FBXO3: variants seen among roughly 807,000 people sequenced by gnomAD.
The protein encoded by FBXO3 is F-box only protein 3.
Under a neutral mutation model 64.8 loss-of-function variants are expected in FBXO3, and 17 were observed. That is an observed-to-expected ratio of 0.26 (90% CI 0.18 to 0.39). The LOEUF is 0.39. FBXO3 is among the 10% of genes least tolerant of loss of function. The pLI is 1.00. For missense variants in FBXO3, 420 were observed against 589.9 expected (o/e 0.71, Z 2.98); for synonymous variants, 182 against 201.6 (o/e 0.90, Z 0.82).
rs779512920 is a variant in FBXO3, at chr11:33,741,868, G to A, written c.*40C>T. On this transcript the variant is annotated 3_prime_UTR_variant, in exon 11 of 11. Coordinates refer to ENST00000265651, the MANE Select transcript of FBXO3 (RefSeq NM_012175.4). ...ACATTATTGAGAAATCTATTTAACA[G>A]CCTAGAATCATCCTAGTGCTTCCAT... 48 of 1,582,344 alleles carry A rather than the reference G, an allele frequency of 3.0e-5. No homozygotes were observed. Among genetic ancestry groups the A allele is most frequent in the Non-Finnish European group, 3.7e-5 (43 of 1,165,534 alleles).
chr11:33,744,936 G>C (rs1854777547), intron 10 of FBXO3: 1 of 152,092 alleles, frequency 6.6e-6, no homozygotes, highest in Non-Finnish European at 1.5e-5. Flanking sequence ...GAGACTGAAA[G>C]TTGACAACCA....
Position 33,750,635 on chromosome 11 carries a change from GCTAC to G in FBXO3, c.832_835del (p.Val278GlnfsTer55). ...TGACACAGTAATATCCCCAGTTGTT[GCTAC>G]ACATTCTGGATCGTGAACATATCTA... On this transcript the variant is annotated frameshift_variant, in exon 8 of 11. Transcript: ENST00000265651. LOFTEE classifies it high-confidence loss of function. 1 of 1,613,338 alleles carries G rather than the reference GCTAC, an allele frequency of 6.2e-7. No individual in the cohort carries two copies. Among genetic ancestry groups the G allele is most frequent in the Non-Finnish European group, 8.5e-7 (1 of 1,179,420 alleles).
At chr11:33,753,821 A>G (rs1391309007) in intron 6 of FBXO3, 1 of 152,258 alleles carries the variant, frequency 6.6e-6, no homozygotes, top group Non-Finnish European at 1.5e-5. Flanking sequence ...CTTAAAAAGC[A>G]AAATGGACAG....
At chr11:33,755,186 T>C (rs1265732878) in intron 5 of FBXO3, among the ~76,000 whole-genome samples, 1 of 152,214 alleles carries the variant, frequency 6.6e-6, no homozygotes, top group Non-Finnish European at 1.5e-5. Context: ...TTTAGAATTT[T>C]CTATTTTAAA....
intron 6 of FBXO3, among the ~76,000 whole-genome samples, chr11:33,752,253 G>C (rs894629230): frequency 6.6e-6 from 1 of 152,264 alleles, no homozygotes; most frequent in South Asian, 2.1e-4. Context: ...ATATATCTGT[G>C]ATCTAATGAT....
Position 33,741,838 on chromosome 11 carries a change from T to C in FBXO3, c.*70A>G. ...TGCTATATGCAGAGAACAATTTAGT[T>C]ATTTACATTATTGAGAAATCTATTT... On this transcript the variant is annotated 3_prime_UTR_variant, in exon 11 of 11. Coordinates refer to ENST00000265651, the MANE Select transcript of FBXO3 (RefSeq NM_012175.4). 1.4e-6 allele frequency: 2 copies of C among 1,434,752 alleles called. No individual in the cohort carries two copies. The highest frequency in any genetic ancestry group is 1.8e-6 in the Non-Finnish European group (2 of 1,081,680). The allele number at this position is 1,434,752 out of a possible 1,614,324, so 88.9% of individuals were successfully genotyped here. A position where few individuals can be genotyped will look rare whatever the true frequency, so the allele number is the denominator to read the frequency against.
chr11:33,754,379 A>G lies in FBXO3; in HGVS notation c.724+76T>C, dbSNP rs1855037400. On this transcript the variant is annotated intron_variant, in intron 6 of 10. Transcript: ENST00000265651. ...TGCCAGCTGCTAAAGTAGCTGAAAA[A>G]GTTTTTACCATTTTAATTTTTTTAT... The G allele has an allele frequency of 6.2e-6, 8 of 1,295,640 alleles. No individual in the cohort carries two copies. In the South Asian group the frequency reaches 1.0e-4, roughly 17 times the overall value. The allele number at this position is 1,295,640 out of a possible 1,614,324, so 80.3% of individuals were successfully genotyped here.
chr11:33,747,199 C>G lies in FBXO3; in HGVS notation c.1170G>C (p.Lys390Asn). Reference protein sequence around the residue: ...YTFHFLYFKDKIFNVAIPRFH... With the variant: ...YTFHFLYFKDNIFNVAIPRFH... Reference sequence around the variant, plus strand: ...ATCGGGGAATGGCAACATTAAAGATCTTGTCTTTAAAGTAAAGAAAATGGA... The same window carrying G: ...ATCGGGGAATGGCAACATTAAAGATGTTGTCTTTAAAGTAAAGAAAATGGA... Residue 390 changes from lysine (K) to asparagine (N), a missense_variant, in exon 10 of 11, where the codon AAG becomes AAC. Lys to Asn is a moderately conservative substitution (Grantham distance 94, BLOSUM62 0). This residue lies in a region of FBXO3 where 337 missense variants were observed against 518.4 expected (regional missense o/e 0.65). Coordinates refer to ENST00000265651, the MANE Select transcript of FBXO3 (RefSeq NM_012175.4). 1 of 1,611,520 alleles carries G rather than the reference C, an allele frequency of 6.2e-7. No homozygotes were observed.
Position 33,768,953 on chromosome 11 carries a change from C to A in FBXO3, c.256G>T (p.Val86Leu), listed in dbSNP as rs767498562. The A allele has an allele frequency of 6.2e-7, 1 of 1,613,906 alleles. No homozygotes were observed. The highest frequency in any genetic ancestry group is 1.7e-5 in the Admixed American group (1 of 60,016). ...KSLFIDTYSD[V>L]GRYIDHYAAI... ...GCATAATGGTCAATGTATCTTCCTA[C>A]ATCAGAGTAAGTATCTATGAAGAGA... The change falls in exon 3 of 11, where the codon GTA (valine) becomes TTA (leucine). Residue 86 changes from valine (V) to leucine (L), a missense_variant. Val to Leu is a conservative substitution (Grantham distance 32). This residue lies in a region of FBXO3 where 337 missense variants were observed against 518.4 expected (regional missense o/e 0.65). Coordinates refer to ENST00000265651, the MANE Select transcript of FBXO3 (RefSeq NM_012175.4).
rs1465395412 is a variant in FBXO3 at position 33,741,532 on chromosome 11, G to A, written c.*376C>T. Reference sequence around the variant, plus strand: ...TGCAAGAAGTCTTTTCACAGAATGAGTCACATAGTTTCTCTCTATCCTTGT... The same window carrying A: ...TGCAAGAAGTCTTTTCACAGAATGAATCACATAGTTTCTCTCTATCCTTGT... On this transcript the variant is annotated 3_prime_UTR_variant, in exon 11 of 11. Transcript: ENST00000265651. 6.4e-6 allele frequency: 1 copy of A among 156,086 alleles called. No individual in the cohort carries two copies. The highest frequency in any genetic ancestry group is 1.4e-5 in the Non-Finnish European group (1 of 70,538). The allele number at this position is 156,086 out of a possible 1,614,324, so 9.7% of individuals were successfully genotyped here. A position where few individuals can be genotyped will look rare whatever the true frequency, so the allele number is the denominator to read the frequency against.
chr11:33,766,405 A>C (rs1344097903), intron 3 of FBXO3, among the ~76,000 whole-genome samples: 1 of 152,258 alleles, frequency 6.6e-6, no homozygotes, highest in Non-Finnish European at 1.5e-5. Flanking sequence ...GGAATACAGC[A>C]ACACTCATTT....
At chr11:33,744,651 C>G (rs914406970) in intron 10 of FBXO3, 1 of 152,264 alleles carries the variant, frequency 6.6e-6, no homozygotes, top group South Asian at 2.1e-4. Flanking sequence ...TTTTATTTCT[C>G]ATCCTTGAGA....
chr11:33,749,711 TC>T (rs1327247697), intron 8 of FBXO3, among the ~76,000 whole-genome samples: 1 of 152,164 alleles, frequency 6.6e-6, no homozygotes, highest in Non-Finnish European at 1.5e-5. Flanking sequence ...CTTTCCCCTT[TC>T]CCTAGGAATC....
intron 10 of FBXO3, chr11:33,746,690 A>T (rs932033865): frequency 7.6e-7 from 1 of 1,312,646 alleles, no homozygotes; most frequent in African/African-American, 1.5e-5. Flanking sequence ...TACCTAGTTG[A>T]CTTAAGAAAT....
At chr11:33,764,001 C>T (rs1311747158) in intron 3 of FBXO3, among the ~76,000 whole-genome samples, 1 of 152,138 alleles carries the variant, frequency 6.6e-6, no homozygotes, top group African/African-American at 2.4e-5. Flanking sequence ...ACATAAGCAA[C>T]TCTATAACCC....
intron 3 of FBXO3, among the ~76,000 whole-genome samples, chr11:33,759,999 C>A (rs7115596): frequency 4.0e-4 from 61 of 151,960 alleles, no homozygotes; most frequent in African/African-American, 1.4e-3. Flanking sequence ...CAAAAAGGGA[C>A]GGAAAAACAC....
chr11:33,755,919 A>T lies in FBXO3; in HGVS notation c.530T>A (p.Val177Asp), dbSNP rs1336022092. Reference protein sequence around the residue: ...NHYRSEDLLDVDTAAGGFQQR... With the variant: ...NHYRSEDLLDDDTAAGGFQQR... ...CTGGAATCCTCCGGCAGCTGTATCG[A>T]CGTCTAACAAATCTTCAGAACGATA... The change falls in exon 5 of 11, where the codon GTC becomes GAC. Residue 177 changes from valine (V) to aspartate (D), a missense_variant. By Grantham distance (152) the Val-to-Asp change is radical. Transcript: ENST00000265651. The T allele has an allele frequency of 6.2e-7, 1 of 1,614,194 alleles. No individual in the cohort carries two copies. Among genetic ancestry groups the T allele is most frequent in the South Asian group, 1.1e-5 (1 of 91,086 alleles).
intron 8 of FBXO3, among the ~76,000 whole-genome samples, chr11:33,749,592 A>T (rs1021146097): frequency 6.6e-6 from 1 of 152,056 alleles, no homozygotes; most frequent in Admixed American, 6.6e-5. Flanking sequence ...TTGAACTCCC[A>T]AACTCAAGCA....
intron 10 of FBXO3, chr11:33,746,142 C>T (rs539561562): frequency 1.3e-5 from 2 of 152,350 alleles, no homozygotes; most frequent in South Asian, 4.1e-4. Flanking sequence ...AGAACTCTAG[C>T]CCCAGATAAC....
Sources: allele counts gnomAD v4.1 joint callset (sites outside exome capture counted in the v4.1 genomes callset), GRCh38; gene constraint gnomAD v4.1.1; regional missense constraint gnomAD v4.1.1; transcripts MANE v1.5; gene names NCBI Gene and HGNC (gene_info 2026-07-23, HGNC 2026-07-21).